RNF115: variants seen among roughly 807,000 people sequenced by gnomAD.
RNF115 encodes ring finger protein 115, also known as E3 ubiquitin-protein ligase RNF115.
A neutral mutation model predicts 39.2 loss-of-function variants in RNF115; 31 were observed. That is an observed-to-expected ratio of 0.79 (90% CI 0.59 to 1.07). The LOEUF (loss-of-function observed/expected upper bound fraction) is 1.07. Among genes scored for constraint, RNF115 ranks in the 50% least tolerant of loss-of-function variants. The pLI, the probability that RNF115 is intolerant of heterozygous loss-of-function variation, is 0.00. For synonymous variants in RNF115, 124 were observed against 131.0 expected (o/e 0.95, Z 0.37); for missense variants, 384 against 381.7 (o/e 1.01, Z -0.05).
At chr1:145,785,603 T>TA (rs782634342) in intron 2 of RNF115, among the ~76,000 whole-genome samples, 25 of 152,168 alleles carry the variant, frequency 1.6e-4, no homozygotes, top group Admixed American at 3.3e-4. Context: ...GAGACACACT[T>TA]AAGCACACAA....
intron 1 of RNF115, among the ~76,000 whole-genome samples, chr1:145,811,489 A>G (rs1649702550): frequency 7.1e-6 from 1 of 141,696 alleles, no homozygotes; most frequent in East Asian, 2.0e-4. Flanking sequence ...ATACCCTTAT[A>G]GCAGTCTACT....
At chr1:145,766,539 C>T (rs1355587615) in intron 4 of RNF115, among the ~76,000 whole-genome samples, 1 of 151,308 alleles carries the variant, frequency 6.6e-6, no homozygotes, top group African/African-American at 2.4e-5. Context: ...GGTGGCCGGG[C>T]AGAGGGGCTC....
At chr1:145,751,252 G>C (rs782003021) in intron 6 of RNF115, among the ~76,000 whole-genome samples, 186 bp downstream of exon 6, 1 of 152,166 alleles carries the variant, frequency 6.6e-6, no homozygotes, top group African/African-American at 2.4e-5. Flanking sequence ...CTCAGACCTA[G>C]GAAGTGCATG....
At chr1:145,781,963 T>G (rs2101554252) in intron 3 of RNF115, among the ~76,000 whole-genome samples, 1 of 149,730 alleles carries the variant, frequency 6.7e-6, no homozygotes, top group Admixed American at 6.7e-5. Context: ...AGTCCAGTGG[T>G]GCAATCTCCG....
Position 145,801,319 on chromosome 1 carries a change from A to C in RNF115, c.103-12353T>G, listed in dbSNP as rs751914653. On this transcript the variant is annotated intron_variant, in intron 1 of 8. Transcript: ENST00000582693. ...GCACAGTGGCTCAGCCTATAATCTC[A>C]GCACTTTGGAAGGCCACGGAGGGAG... Among the ~76,000 whole-genome samples the C allele has an allele frequency of 1.3e-3, 195 of 152,340 alleles. 1 individual carries two copies. In the Middle Eastern group the frequency reaches 0.017, roughly 13 times the overall value.
rs1657757998 is a variant in RNF115 at position 145,743,700 on chromosome 1, G to A, written c.*3166C>T. ...GGAGGCTAAGGCAGAAGAATCGCTG[G>A]AACCCAGGAGGTGGAGGTTGCAGTG... is the stretch of plus-strand genomic sequence containing the variant. On this transcript the variant is annotated 3_prime_UTR_variant, in exon 9 of 9. Transcript: ENST00000582693. 6.6e-6 allele frequency: 1 copy of A among 151,670 alleles called. No homozygotes were observed. Among genetic ancestry groups the A allele is most frequent in the Non-Finnish European group, 1.5e-5 (1 of 68,026 alleles). 9.4% of individuals were successfully genotyped at this position (151,670 alleles called of 1,614,324 possible).
intron 1 of RNF115, among the ~76,000 whole-genome samples, chr1:145,798,633 TCTGG>T (rs1649088659): frequency 6.6e-6 from 1 of 152,188 alleles, no homozygotes; most frequent in Non-Finnish European, 1.5e-5. Flanking sequence ...TGAAAACTGT[TCTGG>T]CTATTAGGGG....
At chr1:145,817,173 G>C (rs1197495300) in intron 1 of RNF115, among the ~76,000 whole-genome samples, 3 of 35,600 alleles carry the variant, frequency 8.4e-5, no homozygotes, top group African/African-American at 2.2e-4. Context: ...ACCCAGACTG[G>C]AGTGTAATGG....
At chr1:145,750,278 T>G in intron 7 of RNF115, 129 bp downstream of exon 7, 1 of 731,054 alleles carries the variant, frequency 1.4e-6, no homozygotes, top group Non-Finnish European at 2.2e-6. Flanking sequence ...TAGGAAGGTA[T>G]TGGGATTTTT....
At chr1:145,781,571 T>C (rs1648148182) in intron 3 of RNF115, among the ~76,000 whole-genome samples, 1 of 152,118 alleles carries the variant, frequency 6.6e-6, no homozygotes, top group Non-Finnish European at 1.5e-5. Flanking sequence ...AAGCACTCAC[T>C]AGATGGTAGG....
At chr1:145,753,357 A>C (rs943332527) in intron 4 of RNF115, among the ~76,000 whole-genome samples, 1 of 152,204 alleles carries the variant, frequency 6.6e-6, no homozygotes, top group African/African-American at 2.4e-5. Context: ...AACATAAGGA[A>C]GGGTTAAAAG....
At chr1:145,768,000 GGGAGA>G in intron 4 of RNF115, among the ~76,000 whole-genome samples, 1 of 151,530 alleles carries the variant, frequency 6.6e-6, no homozygotes, top group East Asian at 1.9e-4. Context: ...CGTGGGGAGA[GGGAGA>G]GGGAGAGGGA....
intron 8 of RNF115, 62 bp from the exon 9 acceptor site, chr1:145,747,059 C>A: frequency 6.6e-7 from 1 of 1,508,146 alleles, no homozygotes; most frequent in Non-Finnish European, 9.0e-7. Context: ...GAGTATTGTA[C>A]ACTTAAATAA....
chr1:145,781,297 T>C (rs1465433861), intron 3 of RNF115, among the ~76,000 whole-genome samples: 1 of 152,184 alleles, frequency 6.6e-6, no homozygotes, highest in African/African-American at 2.4e-5. Flanking sequence ...CAGCTCCAGC[T>C]AAAGAAAAAT....
intron 1 of RNF115, among the ~76,000 whole-genome samples, chr1:145,807,498 T>A (rs968979625): frequency 3.9e-5 from 6 of 152,316 alleles, no homozygotes; most frequent in Non-Finnish European, 8.8e-5. Flanking sequence ...AAACTAAGGT[T>A]GAAAAATTCA....
Position 145,749,883 on chromosome 1 carries a change from C to T in RNF115, c.667+524G>A, listed in dbSNP as rs587605303. Among the ~76,000 whole-genome samples the T allele has an allele frequency of 2.0e-5, 3 of 152,316 alleles. No homozygotes were observed. The South Asian group carries it at 6.2e-4, about 32-fold the overall frequency. The stretch of plus-strand genomic sequence containing the variant: ...AAACCCGAACTGATGGGAACAGAAA[C>T]TCCCAGACCAAAATGCTGTCCCTTG... On this transcript the variant is annotated intron_variant, in intron 7 of 8. Transcript: ENST00000582693.
chr1:145,800,500 A>G (rs1357163693), intron 1 of RNF115, among the ~76,000 whole-genome samples: 1 of 152,154 alleles, frequency 6.6e-6, no homozygotes, highest in Non-Finnish European at 1.5e-5. Flanking sequence ...TTTAATAGAT[A>G]CAATACTATG....
intron 1 of RNF115, among the ~76,000 whole-genome samples, chr1:145,792,911 G>C (rs1648744940): frequency 6.6e-6 from 1 of 152,156 alleles, no homozygotes; most frequent in Non-Finnish European, 1.5e-5. Context: ...TGGGCATACT[G>C]TAAACTACTC....
At chr1:145,784,672 CATA>C in intron 2 of RNF115, 76 bp from the exon 3 acceptor site, 1 of 1,286,176 alleles carries the variant, frequency 7.8e-7, no homozygotes, top group East Asian at 2.3e-5. Context: ...TATAGAATGG[CATA>C]ATGAGAACAA....
Sources: gnomAD v4.1 joint callset for allele counts (sites outside exome capture counted in the v4.1 genomes callset) on GRCh38, gnomAD v4.1.1 for gene constraint, MANE v1.5 for transcripts, NCBI Gene and HGNC (gene_info 2026-07-23, HGNC 2026-07-21) for gene names.